The following LINC00632 variants were observed in gnomAD, a reference collection of about 807,000 sequenced individuals.
The protein encoded by LINC00632 is ALDOA related specific transcript.
intron 3 of LINC00632, among the ~76,000 whole-genome samples, chrX:140,768,823 A>G (rs1320661321): frequency 9.8e-6 from 1 of 102,074 alleles, no homozygotes; most frequent in Non-Finnish European, 1.9e-5. Flanking sequence ...ATATATTTGT[A>G]TATATTATAT....
At chrX:140,779,264 G>A (rs188170412) in exon 5 of LINC00632, among the ~76,000 whole-genome samples, 1,129 of 111,095 alleles carry the variant, frequency 0.01, 11 homozygotes, top group African/African-American at 0.035. Context: ...AGAAAAAAAA[G>A]GAGGGGTGGG....
intron 3 of LINC00632, among the ~76,000 whole-genome samples, chrX:140,753,494 C>T (rs2148393868): frequency 9.0e-6 from 1 of 111,234 alleles, no homozygotes; most frequent in African/African-American, 3.3e-5. Context: ...AGTGCCTTAG[C>T]TTCTAGAGCT....
chrX:140,737,350 G>A (rs745937582), intron 3 of LINC00632, among the ~76,000 whole-genome samples: 1 of 111,318 alleles, frequency 9.0e-6, no homozygotes, highest in South Asian at 3.8e-4. Flanking sequence ...TGATACATTT[G>A]TACATACTTA....
chrX:140,723,623 C>G, intron 2 of LINC00632, among the ~76,000 whole-genome samples: 1 of 37,693 alleles, frequency 2.7e-5, no homozygotes, highest in Non-Finnish European at 5.3e-5. Flanking sequence ...AACACACACA[C>G]ATTCCATACA....
intron 1 of LINC00632, chrX:140,711,558 A>T: frequency 3.6e-6 from 1 of 277,391 alleles, no homozygotes; most frequent in Admixed American, 4.7e-5. Flanking sequence ...TGCTGTTATA[A>T]ATAACTGAAG....
At chrX:140,751,560 G>T (rs1931411551) in intron 3 of LINC00632, among the ~76,000 whole-genome samples, 1 of 111,378 alleles carries the variant, frequency 9.0e-6, no homozygotes, top group Non-Finnish European at 1.9e-5. Flanking sequence ...GTCTTTCCAT[G>T]GCTGGATCAA....
At chrX:140,756,438 T>G (rs777998489) in intron 3 of LINC00632, among the ~76,000 whole-genome samples, 16 of 112,218 alleles carry the variant, frequency 1.4e-4, no homozygotes, top group Non-Finnish European at 3.0e-4. Flanking sequence ...CTTCATTTTA[T>G]TATTTTTTAA....
chrX:140,759,279 TCTTTCTTTCTTTCCTTCCTTCCTTC>T (rs1468057375), intron 3 of LINC00632, among the ~76,000 whole-genome samples: 1 of 91,054 alleles, frequency 1.1e-5, no homozygotes, highest in African/African-American at 4.7e-5. Flanking sequence ...AGGCCTCTTT[TCTTTCTTTCTTTCCTTCCTTCCTTC>T]CTTCCTTCCT....
intron 3 of LINC00632, among the ~76,000 whole-genome samples, chrX:140,735,061 G>A (rs1931121604): frequency 9.0e-6 from 1 of 110,820 alleles, no homozygotes; most frequent in African/African-American, 3.3e-5. Context: ...CACCCTGTCT[G>A]GCCAAAAATA....
At chrX:140,788,197 T>C (rs1424427579) in exon 5 of LINC00632, among the ~76,000 whole-genome samples, 2 of 110,503 alleles carry the variant, frequency 1.8e-5, no homozygotes, top group African/African-American at 6.5e-5. Flanking sequence ...GGTCAGAATA[T>C]GGGAGGACAA....
At chrX:140,787,841 A>G (rs1181645102) in exon 5 of LINC00632, among the ~76,000 whole-genome samples, 1 of 110,659 alleles carries the variant, frequency 9.0e-6, no homozygotes, top group Non-Finnish European at 1.9e-5. Context: ...GGAAAACTAA[A>G]TACCTTCGGG....
chrX:140,723,463 C>A (rs1447121906), intron 2 of LINC00632, among the ~76,000 whole-genome samples: 1 of 50,704 alleles, frequency 2.0e-5, no homozygotes, highest in East Asian at 6.5e-4. Context: ...CACACACACA[C>A]ATTCCATACA....
intron 3 of LINC00632, among the ~76,000 whole-genome samples, chrX:140,766,675 C>T (rs1195662590): frequency 8.9e-6 from 1 of 111,807 alleles, no homozygotes; most frequent in Non-Finnish European, 1.9e-5. Context: ...GTAAAATATG[C>T]TTCTACGTGC....
intron 3 of LINC00632, among the ~76,000 whole-genome samples, chrX:140,764,992 C>A (rs1293943480): frequency 9.0e-6 from 1 of 111,709 alleles, no homozygotes; most frequent in Non-Finnish European, 1.9e-5. Context: ...AAGGCGGCAC[C>A]AAGATACTCA....
intron 3 of LINC00632, among the ~76,000 whole-genome samples, chrX:140,748,888 A>ATAT (rs1569352694): frequency 6.7e-4 from 51 of 76,083 alleles, no homozygotes; most frequent in African/African-American, 1.8e-3. Context: ...AAAATATATA[A>ATAT]AATAAAATAT....
At chrX:140,788,590 T>C (rs1358460387) in exon 5 of LINC00632, among the ~76,000 whole-genome samples, 1 of 109,544 alleles carries the variant, frequency 9.1e-6, no homozygotes, top group Non-Finnish European at 1.9e-5. Flanking sequence ...TTTTTATTGA[T>C]ATAGGAAAAT....
chrX:140,754,290 T>C (rs902674433), intron 3 of LINC00632, among the ~76,000 whole-genome samples: 1 of 111,258 alleles, frequency 9.0e-6, no homozygotes, highest in African/African-American at 3.3e-5. Context: ...ACCTTTCTTA[T>C]GTGCTCTGAA....
At chrX:140,712,271 G>A (rs1370325520) in intron 2 of LINC00632, 1 of 107,085 alleles carries the variant, frequency 9.3e-6, no homozygotes, top group African/African-American at 3.4e-5. Flanking sequence ...TCACATTCTT[G>A]TTGCAAATTA....
intron 2 of LINC00632, chrX:140,714,814 C>G (rs1161209723): frequency 1.2e-5 from 1 of 80,093 alleles, no homozygotes; most frequent in Non-Finnish European, 2.3e-5. Context: ...AAGGGCAAAA[C>G]TTTGCCTCAA....
Sources: allele counts gnomAD v4.1 joint callset (sites outside exome capture counted in the v4.1 genomes callset), GRCh38; gene constraint gnomAD v4.1.1; transcripts MANE v1.5; gene names NCBI Gene and HGNC (gene_info 2026-07-23, HGNC 2026-07-21).